MARCHF1: variants seen among roughly 807,000 people sequenced by gnomAD.
MARCHF1 encodes the protein E3 ubiquitin-protein ligase MARCHF1.
Under a neutral mutation model 54.2 loss-of-function variants are expected in MARCHF1, and 40 were observed. The ratio of observed to expected loss-of-function variants is 0.74; its 90% CI spans 0.57 to 0.96. MARCHF1 has a LOEUF of 0.96. Among genes scored for constraint, MARCHF1 ranks in the 40% least tolerant of loss-of-function variants. MARCHF1 has a pLI of 0.00. For missense variants in MARCHF1, 586 were observed against 656.5 expected, an observed-to-expected ratio of 0.89 and a Z score of 1.17; for synonymous variants, 236 against 236.3, an observed-to-expected ratio of 1.00 and a Z score of 0.01.
At chr4:164,176,698 T>G (rs541870236) in intron 1 of MARCHF1, among the ~76,000 whole-genome samples, 1 of 151,708 alleles carries the variant, frequency 6.6e-6, no homozygotes, top group Non-Finnish European at 1.5e-5. Context: ...CTAATTTTAT[T>G]TTTTTTCACA....
At chr4:164,308,425 A>G (rs2111416447) in intron 1 of MARCHF1, among the ~76,000 whole-genome samples, 1 of 152,286 alleles carries the variant, frequency 6.6e-6, no homozygotes, top group South Asian at 2.1e-4. Flanking sequence ...ATTGATTTTA[A>G]ATCACACTCC....
intron 3 of MARCHF1, among the ~76,000 whole-genome samples, chr4:163,959,277 C>T (rs547839637): frequency 6.6e-6 from 1 of 151,102 alleles, no homozygotes; most frequent in African/African-American, 2.4e-5. Flanking sequence ...TCATATGGAA[C>T]CAAAAAAGAG....
chr4:163,866,165 G>A (rs1193200388), intron 3 of MARCHF1, among the ~76,000 whole-genome samples: 1 of 151,104 alleles, frequency 6.6e-6, no homozygotes, highest in African/African-American at 2.4e-5. Context: ...GTAATCTTGA[G>A]CATGTTTTAA....
chr4:163,833,061 G>T (rs1375058731), intron 4 of MARCHF1, among the ~76,000 whole-genome samples: 2 of 151,970 alleles, frequency 1.3e-5, no homozygotes, highest in Non-Finnish European at 2.9e-5. Context: ...ACGTGTGCAT[G>T]TGTCTTCATA....
At chr4:163,966,141 A>T (rs937202181) in intron 3 of MARCHF1, among the ~76,000 whole-genome samples, 2 of 152,094 alleles carry the variant, frequency 1.3e-5, no homozygotes, top group African/African-American at 4.8e-5. Flanking sequence ...ATTATACTAA[A>T]ATGTGCTATA....
At position 164,276,947 on chromosome 4, in the gene MARCHF1, T is replaced by TATATATATATATATATATATAGAG. The variant is rs1392528920; in HGVS notation, c.-323+106922_-323+106923insCTCTATATATATATATATATATAT. 3.4e-5 allele frequency among the ~76,000 whole-genome samples: 4 copies of TATATATATATATATATATATAGAG among 118,824 alleles called. No individual in the cohort carries two copies. In the East Asian group the frequency reaches 7.5e-4, roughly 22 times the overall value. The allele number at this position is 118,824 out of a possible 152,430, so 78.0% of individuals were successfully genotyped here. A position where few individuals can be genotyped will look rare whatever the true frequency, so the allele number is the denominator to read the frequency against. On this transcript the variant is annotated intron_variant, in intron 1 of 9. Transcript: ENST00000514618. ...ATGTCTCATATTCTATATATATATA[T>TATATATATATATATATATATAGAG]AGAGAGAGAGAGAGAGAGAGACAGA...
intron 1 of MARCHF1, among the ~76,000 whole-genome samples, chr4:164,362,451 G>A (rs1165473996): frequency 1.3e-5 from 2 of 152,024 alleles, no homozygotes; most frequent in African/African-American, 4.8e-5. Context: ...GAAGATCAGG[G>A]CCATACAGGG....
At chr4:164,149,412 A>G (rs1469497459) in intron 1 of MARCHF1, among the ~76,000 whole-genome samples, 1 of 152,214 alleles carries the variant, frequency 6.6e-6, no homozygotes, top group Non-Finnish European at 1.5e-5. Flanking sequence ...AATTATCAGA[A>G]CATGGAATAT....
chr4:163,624,855 A>T (rs1741815355), intron 5 of MARCHF1, among the ~76,000 whole-genome samples: 1 of 152,230 alleles, frequency 6.6e-6, no homozygotes, highest in African/African-American at 2.4e-5. Flanking sequence ...CACAGTTCTC[A>T]TTGCCTTCAA....
At chr4:163,709,071 C>G (rs368432144) in intron 4 of MARCHF1, among the ~76,000 whole-genome samples, 1 of 152,078 alleles carries the variant, frequency 6.6e-6, no homozygotes, top group Non-Finnish European at 1.5e-5. Flanking sequence ...AATTCCATTT[C>G]TTTAAAAACA....
At chr4:163,638,827 T>C (rs1489750757) in intron 5 of MARCHF1, among the ~76,000 whole-genome samples, 2 of 152,206 alleles carry the variant, frequency 1.3e-5, no homozygotes, top group Non-Finnish European at 2.9e-5. Flanking sequence ...CTATATTATC[T>C]ATACACACAC....
intron 2 of MARCHF1, among the ~76,000 whole-genome samples, chr4:164,091,520 C>G (rs905529474): frequency 2.7e-5 from 4 of 150,504 alleles, no homozygotes; most frequent in East Asian, 1.9e-4. Flanking sequence ...AGTTTCCTAA[C>G]AGGTGAGTTA....
intron 1 of MARCHF1, among the ~76,000 whole-genome samples, chr4:164,187,199 A>C (rs983555341): frequency 3.9e-5 from 6 of 152,110 alleles, no homozygotes; most frequent in Admixed American, 1.3e-4. Context: ...TGTTCGAGGA[A>C]ATCTACAAAG....
chr4:164,308,264 G>A (rs765525314), intron 1 of MARCHF1, among the ~76,000 whole-genome samples: 12 of 152,124 alleles, frequency 7.9e-5, no homozygotes, highest in Admixed American at 7.9e-4. Flanking sequence ...CATTGAATGT[G>A]AGACATACCA....
rs769420042 is a variant in MARCHF1 at position 163,613,343 on chromosome 4, A to G, written c.213T>C (p.Ser71=). ...AGATGTCCTGAGTGGATGGACAGAC[A>G]GACAACCTTGACTGGCTCCTGGGAG... is the stretch of plus-strand genomic sequence containing the variant. ...GTAPRSQSRL[S]VCPSTQDICR... Residue 71 remains serine, a synonymous_variant, in exon 6 of 10, where the codon TCT becomes TCC. Transcript: ENST00000514618. 2.0e-5 allele frequency: 33 copies of G among 1,612,940 alleles called. 1 individual carries two copies. The South Asian group carries it at 3.5e-4, about 17-fold the overall frequency.
intron 3 of MARCHF1, among the ~76,000 whole-genome samples, chr4:163,935,702 C>CTTTTTTTTTTTT (rs34331599): frequency 8.0e-6 from 1 of 125,754 alleles, no homozygotes; most frequent in African/African-American, 2.8e-5. Context: ...TGCTTGCTTT[C>CTTTTTTTTTTTT]TTTTTTTTTT....
At chr4:163,894,406 G>A (rs1006804830) in intron 3 of MARCHF1, among the ~76,000 whole-genome samples, 2 of 151,742 alleles carry the variant, frequency 1.3e-5, no homozygotes, top group African/African-American at 2.4e-5. Context: ...AAGCTATATA[G>A]ATTTGTAATA....
At chr4:164,166,304 A>T (rs1419539887) in intron 1 of MARCHF1, among the ~76,000 whole-genome samples, 3 of 151,994 alleles carry the variant, frequency 2.0e-5, no homozygotes, top group African/African-American at 7.2e-5. Context: ...GTCTAATAAA[A>T]TTCCATCAAA....
chr4:163,970,367 A>C (rs1251342258), intron 3 of MARCHF1, among the ~76,000 whole-genome samples: 5 of 152,190 alleles, frequency 3.3e-5, no homozygotes, highest in African/African-American at 4.8e-5. Flanking sequence ...CACTCAGGCC[A>C]CCTGGGAAAT....
Sources: gnomAD v4.1 joint callset for allele counts (sites outside exome capture counted in the v4.1 genomes callset) on GRCh38, gnomAD v4.1.1 for gene constraint, MANE v1.5 for transcripts, NCBI Gene and HGNC (gene_info 2026-07-23, HGNC 2026-07-21) for gene names.